ARHGAP6: variants seen among roughly 807,000 people sequenced by gnomAD.
The protein encoded by ARHGAP6 is Rho GTPase activating protein 6.
ARHGAP6 carries 16 observed loss-of-function variants against 55.7 expected under a neutral mutation model. That is an observed-to-expected ratio of 0.29 (90% confidence interval 0.19 to 0.44). ARHGAP6 has a LOEUF of 0.44. Among genes scored for constraint, ARHGAP6 ranks in the 20% least tolerant of loss-of-function variants. The pLI is 1.00. For missense variants in ARHGAP6, 698 were observed against 808.9 expected, an observed-to-expected ratio of 0.86 and a Z score of 1.66; for synonymous variants, 382 against 360.9, an observed-to-expected ratio of 1.06 and a Z score of -0.66.
At chrX:11,172,698 T>C (rs746812911) in intron 8 of ARHGAP6, among the ~76,000 whole-genome samples, 2 of 111,412 alleles carry the variant, frequency 1.8e-5, no homozygotes, top group African/African-American at 6.5e-5. Context: ...TTAACACTTT[T>C]GGGGTTTCTT....
chrX:11,294,993 G>T, intron 1 of ARHGAP6: 1 of 667,586 alleles, frequency 1.5e-6, no homozygotes, highest in East Asian at 3.3e-5. Flanking sequence ...TCAGGAGCTT[G>T]TTTTAAAAAG....
intron 1 of ARHGAP6, among the ~76,000 whole-genome samples, chrX:11,623,696 CAAAAAA>C (rs60192011): frequency 3.5e-5 from 2 of 57,934 alleles, no homozygotes; most frequent in Non-Finnish European, 3.3e-5. Context: ...GACTCGGTCT[CAAAAAA>C]AAAAAAAAAA....
chrX:11,178,053 A>T (rs2046258347), intron 8 of ARHGAP6, 47 bp downstream of exon 8: 2 of 1,206,715 alleles, frequency 1.7e-6, no homozygotes, highest in Non-Finnish European at 2.2e-6. Flanking sequence ...CTTTTAAAAT[A>T]GGGGAGAGGA....
At chrX:11,648,104 GTAACTATACC>G (rs895654683) in intron 1 of ARHGAP6, among the ~76,000 whole-genome samples, 7 of 112,015 alleles carry the variant, frequency 6.2e-5, no homozygotes, top group Non-Finnish European at 1.3e-4. Context: ...GTACAGTAGG[GTAACTATACC>G]TAATAACAAT....
At chrX:11,211,214 G>C (rs1395262985) in intron 2 of ARHGAP6, among the ~76,000 whole-genome samples, 2 of 107,352 alleles carry the variant, frequency 1.9e-5, no homozygotes, top group Non-Finnish European at 3.8e-5. Flanking sequence ...TAAATTACGA[G>C]AACTGCTGTT....
intron 1 of ARHGAP6, among the ~76,000 whole-genome samples, chrX:11,532,279 G>A (rs1490163882): frequency 8.9e-6 from 1 of 112,698 alleles, no homozygotes; most frequent in Non-Finnish European, 1.9e-5. Context: ...TGCGTGTAAT[G>A]ATAAATACCA....
intron 1 of ARHGAP6, among the ~76,000 whole-genome samples, chrX:11,519,748 A>G (rs1286570630): frequency 9.2e-6 from 1 of 108,317 alleles, no homozygotes; most frequent in Non-Finnish European, 1.9e-5. Flanking sequence ...AGGATTCCCT[A>G]TTTAATAAAT....
rs749582357 is a variant in ARHGAP6 at position 11,516,876 on chromosome X, C to T, written c.588+147365G>A. On this transcript the variant is annotated intron_variant, in intron 1 of 12. Coordinates refer to ENST00000337414, the MANE Select transcript of ARHGAP6 (RefSeq NM_013427.3). ...CTCCTTCTCTGTCATCTCCACACTT[C>T]CTCCAAAACTGTAAATGTAGGCATT... 2.7e-5 allele frequency among the ~76,000 whole-genome samples: 3 copies of T among 111,811 alleles called. No individual in the cohort carries two copies. The South Asian group carries it at 1.1e-3, about 42-fold the overall frequency.
intron 1 of ARHGAP6, among the ~76,000 whole-genome samples, chrX:11,293,905 G>A (rs1365851337): frequency 8.9e-6 from 1 of 112,075 alleles, no homozygotes; most frequent in Non-Finnish European, 1.9e-5. Flanking sequence ...TTCATAGACA[G>A]CATTATCACA....
chrX:11,578,058 G>A lies in ARHGAP6; in HGVS notation c.588+86183C>T, dbSNP rs148130609. Among the ~76,000 whole-genome samples the A allele has an allele frequency of 2.7e-3, 298 of 111,573 alleles. 2 individuals are homozygous for A. Among genetic ancestry groups the A allele is most frequent in the African/African-American group, 9.1e-3 (279 of 30,705 alleles). On this transcript the variant is annotated intron_variant, in intron 1 of 12. Coordinates refer to ENST00000337414, the MANE Select transcript of ARHGAP6 (RefSeq NM_013427.3). ...AGAAGGAAGAAAAGGAGAAAAGGAA[G>A]GAAAGGGGAAGAAAGGAAACAGAAG... is the stretch of plus-strand genomic sequence containing the variant.
At chrX:11,417,829 C>T (rs1488009836) in intron 1 of ARHGAP6, among the ~76,000 whole-genome samples, 1 of 111,672 alleles carries the variant, frequency 9.0e-6, no homozygotes, top group Non-Finnish European at 1.9e-5. Flanking sequence ...AGCTGTGTGG[C>T]CCTGAAACAG....
rs375744080 is a variant in ARHGAP6 at position 11,663,650 on chromosome X, C to T, written c.588+591G>A. Among the ~76,000 whole-genome samples, 31 of 111,753 alleles carry T rather than the reference C, an allele frequency of 2.8e-4. No individual in the cohort carries two copies. In the Middle Eastern group the frequency reaches 0.019, roughly 67 times the overall value. ...TTCCATGATCTTTCACACCCCTACA[C>T]AGAGATTTTCTTCTTCTCCTAGGTT... On this transcript the variant is annotated intron_variant, in intron 1 of 12. Coordinates refer to ENST00000337414, the MANE Select transcript of ARHGAP6 (RefSeq NM_013427.3).
At chrX:11,276,898 C>T (rs1026711848) in intron 1 of ARHGAP6, among the ~76,000 whole-genome samples, 1 of 111,232 alleles carries the variant, frequency 9.0e-6, no homozygotes, top group Non-Finnish European at 1.9e-5. Context: ...AATCATATGC[C>T]ATAAAAGTTA....
At chrX:11,381,964 T>C (rs2049268079) in intron 1 of ARHGAP6, among the ~76,000 whole-genome samples, 1 of 112,205 alleles carries the variant, frequency 8.9e-6, no homozygotes, top group Admixed American at 9.5e-5. Context: ...ACAAGTAACA[T>C]TAATGTTACA....
At chrX:11,185,180 ATGTGTG>A (rs1174164413) in intron 5 of ARHGAP6, among the ~76,000 whole-genome samples, 1 of 89,463 alleles carries the variant, frequency 1.1e-5, no homozygotes, top group Non-Finnish European at 2.3e-5. Flanking sequence ...GTGTGTGTGT[ATGTGTG>A]TGTATAGAGA....
intron 1 of ARHGAP6, among the ~76,000 whole-genome samples, chrX:11,260,650 T>C (rs957707199): frequency 1.8e-5 from 2 of 112,544 alleles, no homozygotes; most frequent in Non-Finnish European, 3.8e-5. Context: ...TAAACAAATA[T>C]TCCAAAAATT....
chrX:11,277,390 A>AC (rs200422825), intron 1 of ARHGAP6, among the ~76,000 whole-genome samples: 9,319 of 110,574 alleles, frequency 0.084, 577 homozygotes, highest in African/African-American at 0.22. Context: ...TGGGTATATA[A>AC]CTAGAAGTGG....
At chrX:11,531,985 G>T (rs1470525192) in intron 1 of ARHGAP6, among the ~76,000 whole-genome samples, 1 of 112,364 alleles carries the variant, frequency 8.9e-6, no homozygotes, top group African/African-American at 3.2e-5. Context: ...ATTCTCATTT[G>T]AGGAGCTCTG....
intron 2 of ARHGAP6, among the ~76,000 whole-genome samples, chrX:11,217,478 T>C (rs906117377): frequency 8.9e-6 from 1 of 112,631 alleles, no homozygotes; most frequent in African/African-American, 3.2e-5. Flanking sequence ...ATGACAAGCT[T>C]TTTTTCATAT....
Sources: allele counts gnomAD v4.1 joint callset (sites outside exome capture counted in the v4.1 genomes callset), GRCh38; gene constraint gnomAD v4.1.1; transcripts MANE v1.5; gene names NCBI Gene and HGNC (gene_info 2026-07-23, HGNC 2026-07-21).